The following FBXL13 variants were observed in gnomAD, a reference collection of about 807,000 sequenced individuals.
FBXL13 encodes the protein F-box and leucine-rich repeat protein 13.
Under a neutral mutation model 83.6 loss-of-function variants are expected in FBXL13, and 67 were observed. The ratio of observed to expected loss-of-function variants is 0.80; its 90% confidence interval spans 0.66 to 0.98. The LOEUF is 0.98. Among genes scored for constraint, FBXL13 ranks in the 50% least tolerant of loss-of-function variants. The pLI is 0.00. For synonymous variants in FBXL13, 272 were observed against 299.5 expected (o/e 0.91, Z 0.95); for missense variants, 822 against 866.5 (o/e 0.95, Z 0.64).
At chr7:102,847,212 A>AT (rs1804157162) in intron 17 of FBXL13, among the ~76,000 whole-genome samples, 1 of 152,076 alleles carries the variant, frequency 6.6e-6, no homozygotes, top group African/African-American at 2.4e-5. Context: ...TACAGGAAAA[A>AT]AAAAAAAGCC....
intron 6 of FBXL13, among the ~76,000 whole-genome samples, chr7:103,022,892 T>C (rs527405725): frequency 2.0e-5 from 3 of 152,266 alleles, no homozygotes; most frequent in South Asian, 4.1e-4. Flanking sequence ...AGACAACCTA[T>C]AGAATGGTAT....
intron 6 of FBXL13, among the ~76,000 whole-genome samples, chr7:102,977,512 G>A (rs1274235639): frequency 6.6e-6 from 1 of 152,192 alleles, no homozygotes; most frequent in African/African-American, 2.4e-5. Context: ...AACCTTCTAG[G>A]AGGATGTTTC....
chr7:102,859,467 T>C (rs115895475), intron 16 of FBXL13, among the ~76,000 whole-genome samples: 1,990 of 152,208 alleles, frequency 0.013, 39 homozygotes, highest in African/African-American at 0.045. Context: ...AAGGTAAATA[T>C]TCTGTTTGGC....
chr7:102,862,426 G>A (rs1429762981), intron 16 of FBXL13, among the ~76,000 whole-genome samples: 1 of 151,776 alleles, frequency 6.6e-6, no homozygotes, highest in African/African-American at 2.4e-5. Context: ...TGTATTACTA[G>A]TGTTTGTGAA....
At chr7:103,012,111 C>T (rs1791699273) in intron 6 of FBXL13, among the ~76,000 whole-genome samples, 1 of 152,150 alleles carries the variant, frequency 6.6e-6, no homozygotes, top group Admixed American at 6.5e-5. Flanking sequence ...CGCAGTGGCT[C>T]ACGCCTGTAA....
chr7:102,974,161 TG>T (rs1827142737), intron 6 of FBXL13, among the ~76,000 whole-genome samples: 1 of 151,958 alleles, frequency 6.6e-6, no homozygotes, highest in African/African-American at 2.4e-5. Context: ...GAGGGTGAGG[TG>T]GGCGGATCAC....
intron 17 of FBXL13, among the ~76,000 whole-genome samples, chr7:102,833,548 C>G (rs975714487): frequency 1.3e-5 from 2 of 149,730 alleles, no homozygotes; most frequent in Non-Finnish European, 3.0e-5. Flanking sequence ...TCTTGTGCCT[C>G]TTGTGCCTAT....
At chr7:102,869,614 T>C (rs1808252761) in intron 16 of FBXL13, among the ~76,000 whole-genome samples, 1 of 152,196 alleles carries the variant, frequency 6.6e-6, no homozygotes, top group Non-Finnish European at 1.5e-5. Context: ...TTCTGGCTCT[T>C]ACATTTAAGT....
At chr7:102,833,564 C>T (rs1801123050) in intron 17 of FBXL13, among the ~76,000 whole-genome samples, 1 of 150,240 alleles carries the variant, frequency 6.7e-6, no homozygotes. Context: ...CCTATTGGGA[C>T]TACAGGCGTG....
At chr7:102,970,281 G>T (rs545787484) in intron 6 of FBXL13, among the ~76,000 whole-genome samples, 6 of 152,036 alleles carry the variant, frequency 3.9e-5, no homozygotes, top group Non-Finnish European at 8.8e-5. Context: ...ATCTCTCAAA[G>T]AATTTGTAAC....
intron 6 of FBXL13, among the ~76,000 whole-genome samples, chr7:103,015,816 A>AT (rs1039804048): frequency 5.0e-5 from 7 of 139,710 alleles, no homozygotes; most frequent in African/African-American, 1.5e-4. Flanking sequence ...AAAAAAAGCA[A>AT]TGTACAAAAA....
At chr7:102,957,854 T>C (rs977730651) in intron 8 of FBXL13, among the ~76,000 whole-genome samples, 3 of 152,124 alleles carry the variant, frequency 2.0e-5, no homozygotes, top group Non-Finnish European at 4.4e-5. Flanking sequence ...TCACGCCAGT[T>C]AGAATGGCAG....
chr7:102,860,505 T>C (rs748477874), intron 16 of FBXL13, among the ~76,000 whole-genome samples: 10 of 152,198 alleles, frequency 6.6e-5, no homozygotes, highest in Non-Finnish European at 8.8e-5. Context: ...TTGGGGTCAC[T>C]GGGAGTAGTG....
At chr7:103,006,605 C>G (rs1916990) in intron 6 of FBXL13, among the ~76,000 whole-genome samples, 148,113 of 152,294 alleles carry the variant, frequency 0.97, 72,175 homozygotes, top group East Asian at 1. Context: ...TTATCTTCAA[C>G]TAAATTAATT....
chr7:103,015,252 A>C (rs1480136759), intron 6 of FBXL13, among the ~76,000 whole-genome samples: 1 of 152,234 alleles, frequency 6.6e-6, no homozygotes, highest in African/African-American at 2.4e-5. Context: ...AATGGGCAAA[A>C]GCTGAAGGCA....
chr7:102,896,620 G>A (rs534981812), intron 11 of FBXL13, among the ~76,000 whole-genome samples: 257 of 152,248 alleles, frequency 1.7e-3, no homozygotes, highest in Non-Finnish European at 3.4e-3. Context: ...TTCCCTCTGA[G>A]GGCTGTGAGG....
At chr7:102,909,057 T>C (rs1380722732) in intron 11 of FBXL13, among the ~76,000 whole-genome samples, 2 of 152,188 alleles carry the variant, frequency 1.3e-5, no homozygotes, top group Non-Finnish European at 2.9e-5. Flanking sequence ...TCAAAAACCT[T>C]AGAAGTCTAC....
intron 11 of FBXL13, among the ~76,000 whole-genome samples, chr7:102,897,252 AG>A (rs1812368478): frequency 6.6e-6 from 1 of 151,986 alleles, no homozygotes; most frequent in East Asian, 1.9e-4. Context: ...TCAAGGGAGT[AG>A]GTATAGCTGG....
intron 6 of FBXL13, among the ~76,000 whole-genome samples, chr7:103,011,086 A>G (rs1791565380): frequency 6.6e-6 from 1 of 152,218 alleles, no homozygotes; most frequent in Non-Finnish European, 1.5e-5. Context: ...ATCGGCCCAC[A>G]CAAATGAGAA....
Sources: gnomAD v4.1 joint callset for allele counts (sites outside exome capture counted in the v4.1 genomes callset) on GRCh38, gnomAD v4.1.1 for gene constraint, MANE v1.5 for transcripts, NCBI Gene and HGNC (gene_info 2026-07-23, HGNC 2026-07-21) for gene names.